Variants in OXER1 observed in about 807,000 individuals in gnomAD.
The protein encoded by OXER1 is oxoeicosanoid receptor 1.
For missense variants in OXER1, 587 were observed against 551.7 expected (o/e 1.06, Z -0.64); for synonymous variants, 258 against 245.8 (o/e 1.05, Z -0.47).
rs1411974158 is a variant in OXER1, at chr2:42,763,384, C to T, written c.796G>A (p.Ala266Thr). 1 of 1,605,046 alleles carries T rather than the reference C, an allele frequency of 6.2e-7. No homozygotes were observed. The highest frequency in any genetic ancestry group is 8.5e-7 in the Non-Finnish European group (1 of 1,176,294). ...CTCACAATAGCAAAGAGGATGAGCG[C>T]CAGTGGCAGGAAGAACTCCAGCAGG... is the stretch of plus-strand genomic sequence containing the variant. Residue 266 changes from alanine to threonine, a missense_variant, in exon 1 of 1, where the codon GCG (alanine) becomes ACG (threonine). By Grantham distance (58) the Ala-to-Thr change is moderately conservative. Coordinates refer to ENST00000378661, the Ensembl canonical transcript of OXER1. The surrounding 1 kb of genome is among the most constrained non-coding windows in gnomAD (Gnocchi z 4.4).
Position 42,763,631 on chromosome 2 carries a change from G to A in OXER1, c.549C>T (p.Leu183=). 1 of 1,613,600 alleles carries A rather than the reference G, an allele frequency of 6.2e-7. No individual in the cohort carries two copies. The change falls in exon 1 of 1, where the codon CTC becomes CTT. Residue 183 remains leucine (L), a synonymous_variant. Coordinates refer to ENST00000378661, the Ensembl canonical transcript of OXER1. This position sits in a 1 kb window ranked among gnomAD's most constrained non-coding sequence, Gnocchi z 4.4. ...GGTAGCGGTTGAGTGCGATGGCTGTGAGGAAGACAACGCTGGCCGTGCGGT... is the reference window on the plus strand; with the variant it reads ...GGTAGCGGTTGAGTGCGATGGCTGTAAGGAAGACAACGCTGGCCGTGCGGT...
chr2:42,763,402 C>G lies in OXER1; in HGVS notation c.778G>C (p.Glu260Gln), dbSNP rs776816966. The G allele has an allele frequency of 6.3e-6, 10 of 1,595,562 alleles. No homozygotes were observed. The highest frequency in any genetic ancestry group is 3.5e-5 in the Admixed American group (2 of 57,012). ...ATGAGCGCCAGTGGCAGGAAGAACTCCAGCAGGTACAGTGCCTGGTGCCAG... is the reference window on the plus strand; with the variant it reads ...ATGAGCGCCAGTGGCAGGAAGAACTGCAGCAGGTACAGTGCCTGGTGCCAG... Residue 260 changes from glutamate to glutamine, a missense_variant, in exon 1 of 1, where the codon GAG (glutamate) becomes CAG (glutamine). By Grantham distance (29) the Glu-to-Gln change is conservative. Transcript: ENST00000378661. This position sits in a 1 kb window ranked among gnomAD's most constrained non-coding sequence, Gnocchi z 4.4.
At position 42,763,729 on chromosome 2, in the gene OXER1, AGTC is replaced by A. The variant is rs1670552292; in HGVS notation, c.448_450del (p.Asp150del). 6.2e-7 allele frequency: 1 copy of A among 1,614,138 alleles called. No individual in the cohort carries two copies. Among genetic ancestry groups the A allele is most frequent in the Non-Finnish European group, 8.5e-7 (1 of 1,180,024 alleles). On this transcript the variant is annotated inframe_deletion, in exon 1 of 1. Transcript: ENST00000378661. This position sits in a 1 kb window ranked among gnomAD's most constrained non-coding sequence, Gnocchi z 4.4. ...CGCCAGGTCTCATGGAGGAGGTAGT[AGTC>A]CACGCGGAGGGGCAGGTTGCTGATC... is the stretch of plus-strand genomic sequence containing the variant.
exon 1 of OXER1, chr2:42,762,879 C>T (rs538553281): frequency 4.0e-5 from 63 of 1,587,506 alleles, no homozygotes; most frequent in Non-Finnish European, 4.9e-5. Flanking sequence ...GCCCTTACCC[C>T]CACAGCGCTG....
Position 42,763,413 on chromosome 2 carries a change from A to G in OXER1, c.767T>C (p.Leu256Pro), listed in dbSNP as rs376513034. 41 of 1,592,156 alleles carry G rather than the reference A, an allele frequency of 2.6e-5. No homozygotes were observed. The African/African-American group carries it at 3.1e-4, about 12-fold the overall frequency. The change falls in exon 1 of 1, where the codon CTG (leucine) becomes CCG (proline). Residue 256 changes from leucine to proline, a missense_variant. Leu to Pro is a moderately conservative substitution (Grantham distance 98, BLOSUM62 -3). Transcript: ENST00000378661. This position sits in a 1 kb window ranked among gnomAD's most constrained non-coding sequence, Gnocchi z 4.4. ...TGGCAGGAAGAACTCCAGCAGGTAC[A>G]GTGCCTGGTGCCAGCGGAGCGAGGC...
At position 42,763,843 on chromosome 2, in the gene OXER1, C is replaced by T. The variant is rs1231379320; in HGVS notation, c.337G>A (p.Ala113Thr). 8 of 1,613,882 alleles carry T rather than the reference C, an allele frequency of 5.0e-6. No individual in the cohort carries two copies. The highest frequency in any genetic ancestry group is 2.2e-5 in the East Asian group (1 of 44,868). The stretch of plus-strand genomic sequence containing the variant: ...GTGTGGATGCAGAAGATGAAGAGGG[C>T]CAAACTGTTCCCCACCAGGCCCAGG... The change falls in exon 1 of 1, where the codon GCC becomes ACC. Residue 113 changes from alanine to threonine, a missense_variant. Transcript: ENST00000378661. This position sits in a 1 kb window ranked among gnomAD's most constrained non-coding sequence, Gnocchi z 4.4.
rs145926558 is a variant in OXER1, at chr2:42,763,027, A to C, written c.1153T>G (p.Ser385Ala). 6.8e-6 allele frequency: 11 copies of C among 1,613,880 alleles called. No homozygotes were observed. Among genetic ancestry groups the C allele is most frequent in the African/African-American group, 1.3e-5 (1 of 74,916 alleles). Residue 385 changes from serine to alanine, a missense_variant, in exon 1 of 1, where the codon TCC (serine) becomes GCC (alanine). Coordinates refer to ENST00000378661, the Ensembl canonical transcript of OXER1. The surrounding 1 kb of genome is among the most constrained non-coding windows in gnomAD (Gnocchi z 4.4). ...CGCCACTGCCTGGAGGGTTGGTAGG[A>C]GCTCTCGTCGCTCACTGGGCCCTGC...
chr2:42,763,376 G>A lies in OXER1; in HGVS notation c.804C>T (p.Ile268=), dbSNP rs1483019728. ...GCCCAATGCTCACAATAGCAAAGAG[G>A]ATGAGCGCCAGTGGCAGGAAGAACT... The change falls in exon 1 of 1, where the codon ATC becomes ATT. Residue 268 remains isoleucine (I), a synonymous_variant. Coordinates refer to ENST00000378661, the Ensembl canonical transcript of OXER1. This position sits in a 1 kb window ranked among gnomAD's most constrained non-coding sequence, Gnocchi z 4.4. 2 of 1,609,496 alleles carry A rather than the reference G, an allele frequency of 1.2e-6. No homozygotes were observed. Among genetic ancestry groups the A allele is most frequent in the Middle Eastern group, 1.7e-4 (1 of 6,054 alleles).
chr2:42,762,562 C>G, exon 1 of OXER1: 2 of 301,484 alleles, frequency 6.6e-6, no homozygotes, highest in Non-Finnish European at 1.2e-5. Flanking sequence ...GAACATGCAG[C>G]TGTCCAATTT....
Position 42,763,560 on chromosome 2 carries a change from C to T in OXER1, c.620G>A (p.Gly207Glu), listed in dbSNP as rs769821087. The T allele has an allele frequency of 1.9e-6, 3 of 1,573,366 alleles. No homozygotes were observed. The highest frequency in any genetic ancestry group is 2.4e-5 in the East Asian group (1 of 42,210). The change falls in exon 1 of 1, where the codon GGG becomes GAG. Residue 207 changes from glycine (G) to glutamate (E), a missense_variant. Gly to Glu is a moderately conservative substitution (Grantham distance 98). Transcript: ENST00000378661. This position sits in a 1 kb window ranked among gnomAD's most constrained non-coding sequence, Gnocchi z 4.4. ...TCCCCCGGCCACCCGGGCAGCTGCC[C>T]CCACGGAAGCACGGCTCAGCACGTG...
exon 1 of OXER1, chr2:42,762,670 C>CGTA: frequency 2.6e-5 from 14 of 530,416 alleles, no homozygotes; most frequent in South Asian, 1.6e-4. Flanking sequence ...TGCCTGTCTC[C>CGTA]TCCACCCGGC....
At position 42,763,307 on chromosome 2, in the gene OXER1, C is replaced by T. The variant is rs768214111; in HGVS notation, c.873G>A (p.Gln291=). ...CCATGGCCAGCACACGCATGGCCCT[C>T]TGCGGGCCTGCCTGCCCGCCCAGAC... is the stretch of plus-strand genomic sequence containing the variant. Residue 291 remains glutamine, a synonymous_variant, in exon 1 of 1, where the codon CAG becomes CAA. Coordinates refer to ENST00000378661, the Ensembl canonical transcript of OXER1. This position sits in a 1 kb window ranked among gnomAD's most constrained non-coding sequence, Gnocchi z 4.4. 5.6e-6 allele frequency: 9 copies of T among 1,612,974 alleles called. No homozygotes were observed. Among genetic ancestry groups the T allele is most frequent in the Non-Finnish European group, 5.9e-6 (7 of 1,179,868 alleles).
chr2:42,762,570 T>G, exon 1 of OXER1: 2 of 312,690 alleles, frequency 6.4e-6, no homozygotes, highest in Non-Finnish European at 1.2e-5. Flanking sequence ...AGCTGTCCAA[T>G]TTCTAAGGTG....
Position 42,763,925 on chromosome 2 carries a change from G to A in OXER1, c.255C>T (p.Pro85=), listed in dbSNP as rs1670560256. ...AGGCAGACACCAGCGAGGAAGAGGT[G>A]GGGTGGCAGGGCCCTCCAGAGGACC... is the stretch of plus-strand genomic sequence containing the variant. The change falls in exon 1 of 1, where the codon CCC becomes CCT. Residue 85 remains proline, a synonymous_variant. Transcript: ENST00000378661. This position sits in a 1 kb window ranked among gnomAD's most constrained non-coding sequence, Gnocchi z 4.4. 3 of 1,613,888 alleles carry A rather than the reference G, an allele frequency of 1.9e-6. No homozygotes were observed. Among genetic ancestry groups the A allele is most frequent in the Non-Finnish European group, 2.5e-6 (3 of 1,180,000 alleles).
chr2:42,762,763 T>C, exon 1 of OXER1: 1 of 928,566 alleles, frequency 1.1e-6, no homozygotes, highest in Non-Finnish European at 1.6e-6. Context: ...GCCACCCACC[T>C]GAGTCCTGCC....
exon 1 of OXER1, chr2:42,762,999 T>G: frequency 6.2e-7 from 1 of 1,613,962 alleles, no homozygotes; most frequent in African/African-American, 1.3e-5. Flanking sequence ...GGCCTCCCGG[T>G]AGCGCCACTG....
exon 1 of OXER1, chr2:42,764,019 G>A (rs1263347062): frequency 6.2e-7 from 1 of 1,613,766 alleles, no homozygotes; most frequent in African/African-American, 1.3e-5. Context: ...GAGAACAGAG[G>A]AGGAGAGAGA....
Position 42,763,078 on chromosome 2 carries a change from C to T in OXER1, c.1102G>A (p.Ala368Thr), listed in dbSNP as rs1315352735. ...CGGCCCCGCGTGAGGCCCAGCAAGG[C>T]CCGGCTCTGGTGGAGGAAGTTGGGG... The change falls in exon 1 of 1, where the codon GCC (alanine) becomes ACC (threonine). Residue 368 changes from alanine to threonine, a missense_variant. Transcript: ENST00000378661. The surrounding 1 kb of genome is among the most constrained non-coding windows in gnomAD (Gnocchi z 4.4). 2 of 1,614,030 alleles carry T rather than the reference C, an allele frequency of 1.2e-6. No homozygotes were observed. The highest frequency in any genetic ancestry group is 1.7e-6 in the Non-Finnish European group (2 of 1,180,034).
At position 42,763,182 on chromosome 2, in the gene OXER1, C is replaced by T; in HGVS notation, c.998G>A (p.Cys333Tyr). 1.2e-6 allele frequency: 2 copies of T among 1,613,712 alleles called. No individual in the cohort carries two copies. The highest frequency in any genetic ancestry group is 1.1e-5 in the South Asian group (1 of 91,042). The change falls in exon 1 of 1, where the codon TGC (cysteine) becomes TAC (tyrosine). Residue 333 changes from cysteine to tyrosine, a missense_variant. Cys to Tyr is a radical substitution (Grantham distance 194, BLOSUM62 -2). Transcript: ENST00000378661. This position sits in a 1 kb window ranked among gnomAD's most constrained non-coding sequence, Gnocchi z 4.4. ...CAGGGAGCCATGGAAGAGCTGTGTG[C>T]AGAGGTCCAGGGATCGGCAGGCGGA...
Sources: gnomAD v4.1 joint callset for allele counts on GRCh38, gnomAD v4.1.1 for gene constraint, Gnocchi (gnomAD v3.1) non-coding constraint, MANE v1.5 for transcripts, NCBI Gene and HGNC (gene_info 2026-07-23, HGNC 2026-07-21) for gene names.